The following CALCR variants were observed in gnomAD, a reference collection of about 807,000 sequenced individuals.
CALCR encodes the protein calcitonin receptor.
A neutral mutation model predicts 59.5 loss-of-function variants in CALCR; 47 were observed. The ratio of observed to expected loss-of-function variants is 0.79; its 90% confidence interval spans 0.63 to 1.01. The LOEUF is 1.01. Among genes scored for constraint, CALCR ranks in the 50% least tolerant of loss-of-function variants. CALCR has a pLI of 0.00. For missense variants in CALCR, 566 were observed against 597.1 expected (o/e 0.95, Z 0.54); for synonymous variants, 213 against 211.3 (o/e 1.01, Z -0.07).
intron 2 of CALCR, among the ~76,000 whole-genome samples, chr7:93,552,262 C>A (rs1376222875): frequency 6.6e-6 from 1 of 152,054 alleles, no homozygotes; most frequent in Non-Finnish European, 1.5e-5. Flanking sequence ...GGTAAAATGC[C>A]CAGCTCAACT....
chr7:93,493,575 C>T (rs1385343445), intron 2 of CALCR, among the ~76,000 whole-genome samples: 2 of 151,418 alleles, frequency 1.3e-5, no homozygotes, highest in East Asian at 3.9e-4. Flanking sequence ...AAGTTGTAAT[C>T]CCTCCAACTC....
chr7:93,502,798 C>A (rs940489948), intron 2 of CALCR, among the ~76,000 whole-genome samples: 2 of 151,960 alleles, frequency 1.3e-5, no homozygotes, highest in Non-Finnish European at 2.9e-5. Flanking sequence ...ATTTAATTAT[C>A]TAGATAGATG....
chr7:93,478,594 G>A (rs1311294622), intron 4 of CALCR, among the ~76,000 whole-genome samples: 5 of 151,302 alleles, frequency 3.3e-5, no homozygotes, highest in East Asian at 2.0e-4. Context: ...GGAGGCTAAA[G>A]TGGGAGGATC....
chr7:93,462,127 T>G, intron 7 of CALCR: 1 of 1,410,636 alleles, frequency 7.1e-7, no homozygotes, highest in Non-Finnish European at 9.6e-7. Context: ...TAAAAAGCAA[T>G]TTAAGTAATA....
chr7:93,503,523 G>A (rs1417067602), intron 2 of CALCR, among the ~76,000 whole-genome samples: 1 of 152,056 alleles, frequency 6.6e-6, no homozygotes, highest in Non-Finnish European at 1.5e-5. Flanking sequence ...GATTGAAAGT[G>A]ATTGATTTGA....
At chr7:93,545,424 T>C (rs1291641185) in intron 2 of CALCR, among the ~76,000 whole-genome samples, 1 of 152,122 alleles carries the variant, frequency 6.6e-6, no homozygotes, top group East Asian at 1.9e-4. Flanking sequence ...TAAGAAGTTG[T>C]ATTTAACAGA....
At chr7:93,532,622 A>G (rs986569796) in intron 2 of CALCR, among the ~76,000 whole-genome samples, 4 of 151,940 alleles carry the variant, frequency 2.6e-5, no homozygotes, top group African/African-American at 9.7e-5. Context: ...AAAGCACTTT[A>G]TATCAGACAC....
At chr7:93,460,274 G>A (rs1174420832) in intron 8 of CALCR, among the ~76,000 whole-genome samples, 1 of 151,878 alleles carries the variant, frequency 6.6e-6, no homozygotes, top group Non-Finnish European at 1.5e-5. Flanking sequence ...GCATGGTTTG[G>A]GCCGGGTGTG....
At chr7:93,453,475 C>T (rs930698645) in intron 8 of CALCR, among the ~76,000 whole-genome samples, 4 of 151,934 alleles carry the variant, frequency 2.6e-5, no homozygotes, top group African/African-American at 9.7e-5. Context: ...AATATCAAAT[C>T]GAGTGTCACT....
chr7:93,434,411 A>C, intron 12 of CALCR, 117 bp from the exon 13 acceptor site: 1 of 668,522 alleles, frequency 1.5e-6, no homozygotes, highest in Non-Finnish European at 2.7e-6. Flanking sequence ...AAGCAAGAAA[A>C]AGAATTATCT....
chr7:93,444,131 C>T (rs539941446), intron 8 of CALCR, among the ~76,000 whole-genome samples: 240 of 152,072 alleles, frequency 1.6e-3, no homozygotes, highest in African/African-American at 5.2e-3. Context: ...AAGCAAATAA[C>T]GCAGATATTT....
chr7:93,497,604 C>T (rs1285454360), intron 2 of CALCR, among the ~76,000 whole-genome samples: 1 of 151,532 alleles, frequency 6.6e-6, no homozygotes, highest in Non-Finnish European at 1.5e-5. Context: ...TCTCCAACCA[C>T]CAAGCTATTT....
chr7:93,436,064 A>T lies in CALCR; in HGVS notation c.1037T>A (p.Met346Lys). ...GATTCCCAGCAGGGGCACAAGGATC[A>T]TGGTGGCCTTCACAGCCTTCAGGTA... ...HMYLKAVKAT[M>K]ILVPLLGIQF... The change falls in exon 12 of 14, where the codon ATG becomes AAG. Residue 346 changes from methionine to lysine, a missense_variant. By Grantham distance (95) the Met-to-Lys change is moderately conservative. Transcript: ENST00000426151. 6.2e-7 allele frequency: 1 copy of T among 1,613,996 alleles called. No homozygotes were observed.
At chr7:93,497,517 G>T (rs10276732) in intron 2 of CALCR, among the ~76,000 whole-genome samples, 7,709 of 151,558 alleles carry the variant, frequency 0.051, 690 homozygotes, top group African/African-American at 0.18. Context: ...AGGAGATTAG[G>T]TTAGTTTCCA....
intron 8 of CALCR, among the ~76,000 whole-genome samples, chr7:93,455,337 C>A (rs1442526155): frequency 6.6e-6 from 1 of 151,842 alleles, no homozygotes; most frequent in Non-Finnish European, 1.5e-5. Context: ...GTTGCAATTT[C>A]AATAAATATT....
intron 7 of CALCR, among the ~76,000 whole-genome samples, chr7:93,467,570 A>AT (rs907369345): frequency 6.6e-6 from 1 of 151,642 alleles, no homozygotes; most frequent in African/African-American, 2.4e-5. Flanking sequence ...TTTTAAATTT[A>AT]TTTTTTGCGG....
At chr7:93,545,726 C>T (rs956381041) in intron 2 of CALCR, among the ~76,000 whole-genome samples, 2 of 152,188 alleles carry the variant, frequency 1.3e-5, no homozygotes, top group South Asian at 2.1e-4. Flanking sequence ...TAGTTGTCAA[C>T]TTCCTGAAGT....
intron 9 of CALCR, among the ~76,000 whole-genome samples, chr7:93,442,111 T>C (rs1315281883): frequency 6.6e-6 from 1 of 151,338 alleles, no homozygotes; most frequent in Non-Finnish European, 1.5e-5. Flanking sequence ...TAAAAACAGA[T>C]ATGCAAGGAA....
intron 2 of CALCR, among the ~76,000 whole-genome samples, chr7:93,543,951 C>T (rs1279442866): frequency 6.6e-6 from 1 of 151,628 alleles, no homozygotes; most frequent in Non-Finnish European, 1.5e-5. Context: ...AGTACTTCTG[C>T]CTTTTATATT....
Sources: gnomAD v4.1 joint callset for allele counts (sites outside exome capture counted in the v4.1 genomes callset) on GRCh38, gnomAD v4.1.1 for gene constraint, MANE v1.5 for transcripts, NCBI Gene and HGNC (gene_info 2026-07-23, HGNC 2026-07-21) for gene names.